Variants in GPC6 observed in about 807,000 individuals in gnomAD.
The protein encoded by GPC6 is glypican-6.
In GPC6, 14 loss-of-function variants were observed where a neutral mutation model predicts 55.2. The ratio of observed to expected loss-of-function variants is 0.25; its 90% CI spans 0.17 to 0.40. GPC6 has a LOEUF of 0.40. GPC6 is among the 10% of genes least tolerant of loss of function. The pLI is 1.00. For synonymous variants in GPC6, 278 were observed against 259.6 expected (o/e 1.07, Z -0.68); for missense variants, 641 against 708.5 (o/e 0.90, Z 1.08).
At chr13:93,469,516 T>G (rs953931298) in intron 1 of GPC6, among the ~76,000 whole-genome samples, 2 of 152,198 alleles carry the variant, frequency 1.3e-5, no homozygotes. Flanking sequence ...TACTATGGAT[T>G]ATGCATTTGG....
intron 2 of GPC6, among the ~76,000 whole-genome samples, chr13:93,803,879 G>A (rs565360798): frequency 6.6e-6 from 1 of 152,204 alleles, no homozygotes; most frequent in Admixed American, 6.5e-5. Flanking sequence ...CTTAATGATT[G>A]TCTGTGGCTG....
chr13:93,849,170 T>G (rs1441378868), intron 3 of GPC6, among the ~76,000 whole-genome samples: 1 of 152,146 alleles, frequency 6.6e-6, no homozygotes, highest in South Asian at 2.1e-4. Flanking sequence ...TGAATAAATA[T>G]TATTACTTCT....
At chr13:93,650,342 G>C (rs770960808) in intron 2 of GPC6, among the ~76,000 whole-genome samples, 18 of 152,086 alleles carry the variant, frequency 1.2e-4, no homozygotes, top group Non-Finnish European at 2.4e-4. Context: ...GAAAGGAACT[G>C]GGTTTCAGAC....
chr13:94,153,829 C>T (rs927819712), intron 4 of GPC6, among the ~76,000 whole-genome samples: 28 of 152,130 alleles, frequency 1.8e-4, no homozygotes, highest in African/African-American at 6.8e-4. Context: ...ACAAGATCCC[C>T]AGGTGATTCT....
intron 6 of GPC6, among the ~76,000 whole-genome samples, chr13:94,316,988 C>T (rs1380273506): frequency 6.6e-6 from 1 of 152,190 alleles, no homozygotes; most frequent in Non-Finnish European, 1.5e-5. Flanking sequence ...CATTCTGGAA[C>T]CTGCTGTTGT....
chr13:94,282,053 T>C (rs189267535), intron 4 of GPC6, among the ~76,000 whole-genome samples: 144 of 152,316 alleles, frequency 9.5e-4, no homozygotes, highest in Non-Finnish European at 1.8e-3. Context: ...ATAAATATTG[T>C]CATTTGGCTG....
intron 4 of GPC6, among the ~76,000 whole-genome samples, chr13:94,141,792 T>A (rs1432885742): frequency 6.6e-6 from 1 of 152,220 alleles, no homozygotes; most frequent in Non-Finnish European, 1.5e-5. Context: ...TCATTGAGAA[T>A]ATGCACTGAA....
In GPC6 at chr13:94,352,106, A is replaced by T. The variant is rs138669408; in HGVS notation, c.1153-30308A>T. Among the ~76,000 whole-genome samples the T allele has an allele frequency of 5.4e-3, 826 of 152,156 alleles. 8 individuals carry two copies. Among genetic ancestry groups the T allele is most frequent in the African/African-American group, 0.019 (773 of 41,464 alleles). On this transcript the variant is annotated intron_variant, in intron 6 of 8. Transcript: ENST00000377047. Reference sequence around the variant, plus strand: ...GTGTTAACGAAGCTCCTGGAAAGAGATGTGTGCTCGCCTCTGTATAAAGCA... The same window carrying T: ...GTGTTAACGAAGCTCCTGGAAAGAGTTGTGTGCTCGCCTCTGTATAAAGCA...
intron 4 of GPC6, among the ~76,000 whole-genome samples, chr13:94,094,501 T>C (rs763966878): frequency 6.6e-6 from 1 of 152,170 alleles, no homozygotes; most frequent in Non-Finnish European, 1.5e-5. Flanking sequence ...GAAAGAAAGA[T>C]GCAGACATGT....
chr13:93,261,873 G>A (rs1877159486), intron 1 of GPC6, among the ~76,000 whole-genome samples: 2 of 151,260 alleles, frequency 1.3e-5, no homozygotes, highest in South Asian at 4.2e-4. Flanking sequence ...ATAAAGATGA[G>A]GTAACTTTAG....
intron 1 of GPC6, among the ~76,000 whole-genome samples, chr13:93,402,070 C>T (rs1259895270): frequency 6.6e-6 from 1 of 152,064 alleles, no homozygotes; most frequent in Non-Finnish European, 1.5e-5. Context: ...TGTCATAGGA[C>T]AAGTAAAAGG....
At chr13:94,100,864 T>C (rs1179361333) in intron 4 of GPC6, among the ~76,000 whole-genome samples, 3 of 152,228 alleles carry the variant, frequency 2.0e-5, no homozygotes, top group African/African-American at 7.2e-5. Flanking sequence ...CCTCAGAGTA[T>C]TTCTACAAGA....
At chr13:94,226,013 A>G (rs1023876281) in intron 4 of GPC6, among the ~76,000 whole-genome samples, 1 of 152,172 alleles carries the variant, frequency 6.6e-6, no homozygotes, top group East Asian at 1.9e-4. Context: ...CCCATGGGTG[A>G]CGGTTCCCTC....
intron 6 of GPC6, among the ~76,000 whole-genome samples, chr13:94,308,612 G>A (rs1001213284): frequency 6.6e-6 from 1 of 152,188 alleles, no homozygotes; most frequent in African/African-American, 2.4e-5. Context: ...ACAGCATGTA[G>A]CATTTACTTC....
At chr13:93,756,297 T>A (rs1884767169) in intron 2 of GPC6, among the ~76,000 whole-genome samples, 1 of 152,080 alleles carries the variant, frequency 6.6e-6, no homozygotes, top group African/African-American at 2.4e-5. Context: ...TAACTTGTGG[T>A]CATTGTGACA....
chr13:93,952,830 C>T (rs907103584), intron 3 of GPC6, among the ~76,000 whole-genome samples: 32 of 144,346 alleles, frequency 2.2e-4, no homozygotes, highest in Admixed American at 1.8e-3. Flanking sequence ...CATATATATA[C>T]GTATATATCA....
intron 4 of GPC6, among the ~76,000 whole-genome samples, chr13:94,285,717 TA>T (rs1386247022): frequency 2.0e-5 from 3 of 152,238 alleles, no homozygotes; most frequent in Non-Finnish European, 4.4e-5. Context: ...CAGTTCAGTG[TA>T]ATTTCGTCAA....
intron 4 of GPC6, among the ~76,000 whole-genome samples, chr13:94,074,547 A>G (rs1296619360): frequency 3.3e-5 from 5 of 152,212 alleles, no homozygotes; most frequent in African/African-American, 1.2e-4. Context: ...TTACACTAGC[A>G]AATATGTTTT....
At chr13:93,510,016 G>A (rs72640602) in intron 1 of GPC6, among the ~76,000 whole-genome samples, 520 of 152,102 alleles carry the variant, frequency 3.4e-3, no homozygotes, top group Non-Finnish European at 5.9e-3. Context: ...GCATATTTTT[G>A]TTAATAAACT....
Sources: allele counts gnomAD v4.1 joint callset (sites outside exome capture counted in the v4.1 genomes callset), GRCh38; gene constraint gnomAD v4.1.1; transcripts MANE v1.5; gene names NCBI Gene and HGNC (gene_info 2026-07-23, HGNC 2026-07-21).